SLC23A2: variants seen among roughly 807,000 people sequenced by gnomAD.
SLC23A2 encodes Na(+)/L-ascorbic acid transporter 2.
SLC23A2 carries 36 observed loss-of-function variants against 73.3 expected under a neutral mutation model. The observed-to-expected ratio is 0.49, with a 90% CI of 0.38 to 0.65. SLC23A2 has a LOEUF of 0.65. Among genes scored for constraint, SLC23A2 ranks in the 30% least tolerant of loss-of-function variants. The pLI is 0.00. For missense variants in SLC23A2, 507 were observed against 841.6 expected, an observed-to-expected ratio of 0.60 and a Z score of 4.92; for synonymous variants, 343 against 327.3, an observed-to-expected ratio of 1.05 and a Z score of -0.52.
At chr20:4,886,116 C>T (rs2122834522) in intron 6 of SLC23A2, 1 of 503,230 alleles carries the variant, frequency 2.0e-6, no homozygotes, top group East Asian at 3.6e-5. Context: ...TTGCCACTCT[C>T]CTCCCACCCA....
Position 4,858,398 on chromosome 20 carries a change from C to T in SLC23A2, c.1720+891G>A, listed in dbSNP as rs1436724915. ...TTTCCATCAGCCTGACTGTTGCATC[C>T]CTCTCTCAATTCCCTCTGGCTTAGG... On this transcript the variant is annotated intron_variant, in intron 16 of 16. Transcript: ENST00000338244. 3.9e-5 allele frequency among the ~76,000 whole-genome samples: 6 copies of T among 152,176 alleles called. No homozygotes were observed. The East Asian group carries it at 1.2e-3, about 29-fold the overall frequency.
At chr20:4,966,649 G>A (rs572140574) in intron 2 of SLC23A2, among the ~76,000 whole-genome samples, 6 of 151,860 alleles carry the variant, frequency 4.0e-5, no homozygotes, top group African/African-American at 1.5e-4. Flanking sequence ...CTTTAATGTA[G>A]CTACCTCAAA....
intron 1 of SLC23A2, among the ~76,000 whole-genome samples, chr20:4,983,450 T>C (rs556540658): frequency 3.3e-5 from 5 of 149,488 alleles, no homozygotes; most frequent in South Asian, 2.1e-4. Context: ...ATCGAGACCA[T>C]CCTGGCCAAC....
At chr20:4,955,950 G>A (rs2087281914) in intron 2 of SLC23A2, among the ~76,000 whole-genome samples, 1 of 151,878 alleles carries the variant, frequency 6.6e-6, no homozygotes, top group Non-Finnish European at 1.5e-5. Context: ...TAAAATTTTA[G>A]TTATATCCCT....
At chr20:4,924,719 A>C (rs771878489) in intron 3 of SLC23A2, among the ~76,000 whole-genome samples, 2 of 151,722 alleles carry the variant, frequency 1.3e-5, no homozygotes, top group Non-Finnish European at 2.9e-5. Flanking sequence ...GGCTTCCCAC[A>C]ACTCCTCCAG....
At chr20:4,985,008 G>A (rs1280673647) in intron 1 of SLC23A2, among the ~76,000 whole-genome samples, 2 of 151,962 alleles carry the variant, frequency 1.3e-5, no homozygotes, top group Non-Finnish European at 2.9e-5. Context: ...GTGGTGGCAC[G>A]TGCCTGTAGT....
chr20:4,877,464 G>A (rs1315598234), intron 9 of SLC23A2, among the ~76,000 whole-genome samples: 2 of 151,564 alleles, frequency 1.3e-5, no homozygotes, highest in African/African-American at 4.9e-5. Flanking sequence ...AAATTATTGG[G>A]GTAAAAATGA....
intron 2 of SLC23A2, among the ~76,000 whole-genome samples, chr20:4,959,237 G>T (rs2087340967): frequency 6.6e-6 from 1 of 151,104 alleles, no homozygotes; most frequent in African/African-American, 2.5e-5. Context: ...AAAAAAAATG[G>T]TGTATGACAT....
intron 1 of SLC23A2, among the ~76,000 whole-genome samples, chr20:5,009,870 C>T (rs1050397966): frequency 1.2e-4 from 18 of 151,966 alleles, no homozygotes; most frequent in Admixed American, 5.2e-4. Flanking sequence ...CCGAGGCGGG[C>T]GGATCATGAG....
chr20:4,885,708 T>A, intron 7 of SLC23A2, 113 bp downstream of exon 7: 1 of 757,376 alleles, frequency 1.3e-6, no homozygotes, highest in Non-Finnish European at 2.4e-6. Flanking sequence ...GTTTGTGTGC[T>A]TTGTCCCTAA....
chr20:4,895,351 C>T (rs1931480838), intron 6 of SLC23A2, among the ~76,000 whole-genome samples: 1 of 152,204 alleles, frequency 6.6e-6, no homozygotes, highest in Non-Finnish European at 1.5e-5. Context: ...GCTCCCTGCT[C>T]ACAGTCTCTC....
chr20:4,966,855 C>CACAG (rs1233472715), intron 2 of SLC23A2, among the ~76,000 whole-genome samples: 1 of 147,388 alleles, frequency 6.8e-6, no homozygotes, highest in Non-Finnish European at 1.5e-5. Flanking sequence ...CACACACACA[C>CACAG]AGGCATGGCC....
intron 6 of SLC23A2, among the ~76,000 whole-genome samples, chr20:4,892,009 C>G (rs1169605750): frequency 6.6e-6 from 1 of 152,118 alleles, no homozygotes; most frequent in African/African-American, 2.4e-5. Context: ...CCACTTTGGC[C>G]TCCCAAAGTG....
At chr20:4,940,694 G>A (rs2087026819) in intron 2 of SLC23A2, among the ~76,000 whole-genome samples, 1 of 152,198 alleles carries the variant, frequency 6.6e-6, no homozygotes, top group African/African-American at 2.4e-5. Flanking sequence ...ACATAACACA[G>A]GGTGAACATC....
At chr20:4,983,571 G>A (rs534739091) in intron 1 of SLC23A2, among the ~76,000 whole-genome samples, 18 of 151,358 alleles carry the variant, frequency 1.2e-4, no homozygotes, top group African/African-American at 1.9e-4. Context: ...GTGTGAACCC[G>A]GGCAGCGGAG....
At chr20:4,928,480 G>A (rs1173439437) in intron 3 of SLC23A2, among the ~76,000 whole-genome samples, 1 of 152,096 alleles carries the variant, frequency 6.6e-6, no homozygotes, top group Non-Finnish European at 1.5e-5. Context: ...AGCTTTGGGA[G>A]TTCAGACTAA....
intron 1 of SLC23A2, among the ~76,000 whole-genome samples, chr20:4,993,264 C>T (rs1408055530): frequency 3.4e-5 from 5 of 146,948 alleles, no homozygotes; most frequent in South Asian, 2.1e-4. Flanking sequence ...AGCCTGGGCG[C>T]GCCACTGCAC....
Position 4,854,793 on chromosome 20 carries a change from G to C in SLC23A2, c.*2179C>G, listed in dbSNP as rs888057914. On this transcript the variant is annotated 3_prime_UTR_variant, in exon 17 of 17. Coordinates refer to ENST00000338244, the MANE Select transcript of SLC23A2 (RefSeq NM_005116.6). ...GCGGAAGACGCCCAGTCAAGCTGAAGAGAAGGTGCCCCTGGATCACCAATG... is the reference window on the plus strand; with the variant it reads ...GCGGAAGACGCCCAGTCAAGCTGAACAGAAGGTGCCCCTGGATCACCAATG... 6.6e-6 allele frequency: 1 copy of C among 152,234 alleles called. No individual in the cohort carries two copies. The highest frequency in any genetic ancestry group is 1.5e-5 in the Non-Finnish European group (1 of 68,054). The allele number at this position is 152,234 out of a possible 1,614,324, so 9.4% of individuals were successfully genotyped here. A position where few individuals can be genotyped will look rare whatever the true frequency, so the allele number is the denominator to read the frequency against.
At chr20:4,989,231 C>T (rs535839404) in intron 1 of SLC23A2, among the ~76,000 whole-genome samples, 19 of 136,300 alleles carry the variant, frequency 1.4e-4, no homozygotes, top group East Asian at 2.1e-4. Flanking sequence ...AGCGAGACCC[C>T]GTCTCAAAAA....
Sources: allele counts gnomAD v4.1 joint callset (sites outside exome capture counted in the v4.1 genomes callset), GRCh38; gene constraint gnomAD v4.1.1; transcripts MANE v1.5; gene names NCBI Gene and HGNC (gene_info 2026-07-23, HGNC 2026-07-21).